UPF2: variants seen among roughly 807,000 people sequenced by gnomAD.
UPF2 encodes the protein regulator of nonsense transcripts 2.
A neutral mutation model predicts 141.4 loss-of-function variants in UPF2; 17 were observed. That is an observed-to-expected ratio of 0.12 (90% CI 0.08 to 0.18). The LOEUF is 0.18. Ranked by LOEUF, UPF2 falls within the 10% of genes least tolerant of loss-of-function variation. UPF2 has a pLI of 1.00. For missense variants in UPF2, 1,152 were observed against 1,515.9 expected (o/e 0.76, Z 3.99); for synonymous variants, 540 against 498.0 (o/e 1.08, Z -1.12).
intron 4 of UPF2, among the ~76,000 whole-genome samples, chr10:12,005,418 G>T (rs1426115463): frequency 6.6e-6 from 1 of 152,110 alleles, no homozygotes; most frequent in East Asian, 1.9e-4. Context: ...GAAAGTTTAG[G>T]TAATTTCAAC....
chr10:11,985,396 G>A (rs1404771646), intron 8 of UPF2, among the ~76,000 whole-genome samples: 2 of 152,106 alleles, frequency 1.3e-5, no homozygotes, highest in Non-Finnish European at 2.9e-5. Flanking sequence ...CCAGCACTTT[G>A]GGAGGCAGAG....
Position 12,001,710 on chromosome 10 carries a change from A to G in UPF2, c.1620T>C (p.Ala540=). The G allele has an allele frequency of 6.2e-7, 1 of 1,605,406 alleles. No homozygotes were observed. Among genetic ancestry groups the G allele is most frequent in the South Asian group, 1.1e-5 (1 of 88,370 alleles). The change falls in exon 6 of 22, where the codon GCT becomes GCC. Residue 540 remains alanine, a synonymous_variant. Coordinates refer to ENST00000357604, the MANE Select transcript of UPF2 (RefSeq NM_015542.4). ...DTLELEGGDE[A]EDLTKKLLDE... is the part of the protein sequence containing the mutation. The stretch of plus-strand genomic sequence containing the variant: ...CAAGAAGTTTCTTTGTAAGATCTTC[A>G]GCTTCATCTCCACCCTCTAATTCTA...
At position 12,024,931 on chromosome 10, in the gene UPF2, C is replaced by CAAAAAA. The variant is rs61678431; in HGVS notation, c.1145+3808_1145+3813dup. Among the ~76,000 whole-genome samples, 18 of 53,488 alleles carry CAAAAAA rather than the reference C, an allele frequency of 3.4e-4. 2 individuals are homozygous for CAAAAAA. Among genetic ancestry groups the CAAAAAA allele is most frequent in the Admixed American group, 9.2e-4 (3 of 3,250 alleles). 35.1% of individuals were successfully genotyped at this position (53,488 alleles called of 152,430 possible). On this transcript the variant is annotated intron_variant, in intron 3 of 21. Coordinates refer to ENST00000357604, the MANE Select transcript of UPF2 (RefSeq NM_015542.4). Reference sequence around the variant, plus strand: ...CCCAGGTAAGAGGGAGACCCTGTTACAAAAAAAAAAAAAAAAAAAAAAAAA... The same window carrying CAAAAAA: ...CCCAGGTAAGAGGGAGACCCTGTTACAAAAAAAAAAAAAAAAAAAAAAAAAAAAAAA...
chr10:11,966,768 G>T (rs1158011556), intron 10 of UPF2, among the ~76,000 whole-genome samples: 1 of 152,188 alleles, frequency 6.6e-6, no homozygotes, highest in African/African-American at 2.4e-5. Flanking sequence ...AAGTGTTACA[G>T]GTTGAACTTA....
At chr10:11,934,804 G>T (rs573442173) in intron 19 of UPF2, among the ~76,000 whole-genome samples, 8 of 152,092 alleles carry the variant, frequency 5.3e-5, no homozygotes, top group Non-Finnish European at 8.8e-5. Flanking sequence ...TGGTCAGGCT[G>T]GTCTTGAATC....
At position 11,952,070 on chromosome 10, in the gene UPF2, T is replaced by C; in HGVS notation, c.3030A>G (p.Lys1010=). 6.2e-7 allele frequency: 1 copy of C among 1,613,478 alleles called. No individual in the cohort carries two copies. Among genetic ancestry groups the C allele is most frequent in the Non-Finnish European group, 8.5e-7 (1 of 1,179,738 alleles). ...TGTCTGCAATCAATTGCTTACCTAG[T>C]TTTATTAAGAATTCTCGTTCCAAGT... The part of the protein sequence containing the change: ...VQDLEREFLI[K]LGLVNDKDSK... The change falls in exon 15 of 22, where the codon AAA becomes AAG. Residue 1010 remains lysine (K), a synonymous_variant. Coordinates refer to ENST00000357604, the MANE Select transcript of UPF2 (RefSeq NM_015542.4).
intron 12 of UPF2, among the ~76,000 whole-genome samples, chr10:11,958,819 T>C (rs1283339398): frequency 6.6e-6 from 1 of 152,184 alleles, no homozygotes; most frequent in East Asian, 1.9e-4. Context: ...ATCATGGGCC[T>C]CTTATAACGT....
In UPF2 at chr10:12,040,423, GAAAAACA is replaced by G. The variant is rs553700709; in HGVS notation, c.-19+2325_-19+2331del. ...GCGACAAAGCCAGACTCCGTCTCAAGAAAAACAAAAAACAAAAAACAAAACAAAAAAA... is the reference window on the plus strand; with the variant it reads ...GCGACAAAGCCAGACTCCGTCTCAAGAAAAACAAAAAACAAAACAAAAAAA... On this transcript the variant is annotated intron_variant, in intron 1 of 21. Coordinates refer to ENST00000357604, the MANE Select transcript of UPF2 (RefSeq NM_015542.4). Among the ~76,000 whole-genome samples the G allele has an allele frequency of 1.2e-3, 181 of 151,718 alleles. 1 individual carries two copies. Among genetic ancestry groups the G allele is most frequent in the South Asian group, 0.011 (54 of 4,810 alleles).
At chr10:11,970,724 A>G (rs1018055573) in intron 9 of UPF2, among the ~76,000 whole-genome samples, 11 of 152,176 alleles carry the variant, frequency 7.2e-5, no homozygotes, top group Non-Finnish European at 1.5e-4. Context: ...AGGCACAAGA[A>G]TTGCTTCAAC....
intron 3 of UPF2, among the ~76,000 whole-genome samples, chr10:12,023,740 C>T (rs1201054199): frequency 1.3e-5 from 2 of 149,298 alleles, no homozygotes; most frequent in African/African-American, 4.9e-5. Context: ...CCTGTAATCC[C>T]AGCACTGTGG....
intron 3 of UPF2, among the ~76,000 whole-genome samples, chr10:12,028,014 T>G (rs1201825870): frequency 1.3e-5 from 2 of 152,188 alleles, no homozygotes; most frequent in African/African-American, 4.8e-5. Context: ...CCATCCTCCA[T>G]AGAAATTGAC....
rs1408773677 is a variant in UPF2, at chr10:11,921,593, C to T, written c.3810-286G>A. ...TAATGTAGAGATGATGTAAAGTACA[C>T]GGGAGGATGTGCATATGTTATACAT... On this transcript the variant is annotated intron_variant, in intron 21 of 21. Coordinates refer to ENST00000357604, the MANE Select transcript of UPF2 (RefSeq NM_015542.4). This position sits in a 1 kb window ranked among gnomAD's most constrained non-coding sequence, Gnocchi z 5.9. Among the ~76,000 whole-genome samples the T allele has an allele frequency of 3.9e-5, 6 of 152,198 alleles. No individual in the cohort carries two copies. The highest frequency in any genetic ancestry group is 8.8e-5 in the Non-Finnish European group (6 of 68,030).
At chr10:12,012,349 A>G (rs1255196789) in intron 4 of UPF2, among the ~76,000 whole-genome samples, 1 of 152,154 alleles carries the variant, frequency 6.6e-6, no homozygotes, top group East Asian at 1.9e-4. Context: ...GGCGTGAGCC[A>G]CCGCACCCAG....
At chr10:11,930,060 T>C in intron 20 of UPF2, 75 bp from the exon 21 acceptor site, 2 of 1,590,960 alleles carry the variant, frequency 1.3e-6, no homozygotes, top group Non-Finnish European at 1.7e-6. Flanking sequence ...GAACGAAATG[T>C]TGGGGAGATT....
intron 21 of UPF2, among the ~76,000 whole-genome samples, chr10:11,926,386 C>T (rs1461529295): frequency 1.3e-5 from 2 of 152,144 alleles, no homozygotes; most frequent in African/African-American, 4.8e-5. Context: ...GGATGGAAGT[C>T]AGGCCACTGG....
At chr10:11,999,557 G>A (rs140730229) in intron 7 of UPF2, among the ~76,000 whole-genome samples, 3 of 146,500 alleles carry the variant, frequency 2.0e-5, no homozygotes, top group Non-Finnish European at 3.0e-5. Context: ...AAAAAACTTA[G>A]TATTATCATC....
At chr10:12,020,585 T>C (rs1834300817) in intron 3 of UPF2, among the ~76,000 whole-genome samples, 1 of 152,330 alleles carries the variant, frequency 6.6e-6, no homozygotes, top group Non-Finnish European at 1.5e-5. Context: ...CTCATTCAAA[T>C]GTCTTTCAGA....
chr10:12,034,367 G>T (rs190335085), intron 2 of UPF2, among the ~76,000 whole-genome samples: 1 of 151,710 alleles, frequency 6.6e-6, no homozygotes, highest in Non-Finnish European at 1.5e-5. Flanking sequence ...CTGTTGCCCA[G>T]GCAGGAGTGC....
At chr10:12,027,704 A>G (rs1834445358) in intron 3 of UPF2, among the ~76,000 whole-genome samples, 1 of 152,188 alleles carries the variant, frequency 6.6e-6, no homozygotes, top group Non-Finnish European at 1.5e-5. Context: ...CTTCAGCCAC[A>G]AAGATTTAAC....
Sources: allele counts gnomAD v4.1 joint callset (sites outside exome capture counted in the v4.1 genomes callset), GRCh38; gene constraint gnomAD v4.1.1; non-coding constraint Gnocchi (gnomAD v3.1); transcripts MANE v1.5; gene names NCBI Gene and HGNC (gene_info 2026-07-23, HGNC 2026-07-21).